The following ARHGAP26 variants were observed in gnomAD, a reference collection of about 807,000 sequenced individuals.
ARHGAP26 encodes the protein Rho GTPase activating protein 26.
A neutral mutation model predicts 104.8 loss-of-function variants in ARHGAP26; 38 were observed. That is an observed-to-expected ratio of 0.36 (90% confidence interval 0.28 to 0.48). The LOEUF (loss-of-function observed/expected upper bound fraction) is 0.48, where lower values mean the gene tolerates loss of function less well. ARHGAP26 is among the 20% of genes least tolerant of loss of function. The probability of loss-of-function intolerance (pLI) is 0.99; values close to 1 mark genes in which losing one functional copy is unlikely to be tolerated. For missense variants in ARHGAP26, 704 were observed against 947.9 expected (o/e 0.74, Z 3.38); for synonymous variants, 341 against 340.0 (o/e 1.00, Z -0.03).
At chr5:142,949,202 AGAGAGAGAGAGAGAGAGAG>A (rs1767796958) in intron 11 of ARHGAP26, among the ~76,000 whole-genome samples, 3 of 21,502 alleles carry the variant, frequency 1.4e-4, no homozygotes, top group East Asian at 3.3e-3. Flanking sequence ...AGAGAGAGAG[AGAGAGAGAGAGAGAGAGAG>A]GAGAGAGAGA....
chr5:142,885,386 C>A lies in ARHGAP26; in HGVS notation c.473C>A (p.Ser158Tyr). The change falls in exon 5 of 23, where the codon TCT (serine) becomes TAT (tyrosine). Residue 158 changes from serine to tyrosine, a missense_variant. Coordinates refer to ENST00000645722, the MANE Select transcript of ARHGAP26 (RefSeq NM_001135608.3). ...AATTTGTCTTCCAAAAAGAAAGAAT[C>A]TCAGCTTCAGGAGGTAAGAGACTTT... ...HLNLSSKKKE[S>Y]QLQEADSQVD... 1 of 1,613,100 alleles carries A rather than the reference C, an allele frequency of 6.2e-7. No homozygotes were observed. The highest frequency in any genetic ancestry group is 1.1e-5 in the South Asian group (1 of 90,926).
chr5:143,044,488 C>A (rs903456858), intron 14 of ARHGAP26, among the ~76,000 whole-genome samples: 3 of 150,072 alleles, frequency 2.0e-5, no homozygotes, highest in Non-Finnish European at 4.4e-5. Context: ...AGTATGGGGC[C>A]ATTCACATGA....
At chr5:143,221,927 A>T (rs764513743) in intron 22 of ARHGAP26, among the ~76,000 whole-genome samples, 4 of 82,106 alleles carry the variant, frequency 4.9e-5, no homozygotes, top group Non-Finnish European at 9.4e-5. Context: ...GATGGATGGA[A>T]GGAAGGAAGG....
intron 6 of ARHGAP26, among the ~76,000 whole-genome samples, chr5:142,898,647 T>A (rs1355761356): frequency 6.6e-6 from 1 of 152,168 alleles, no homozygotes; most frequent in African/African-American, 2.4e-5. Context: ...GCCAAGAAGC[T>A]CCTGACAGCA....
Position 142,770,553 on chromosome 5 carries a change from C to G in ARHGAP26, c.-209C>G, listed in dbSNP as rs1339702371. 1 of 216,608 alleles carries G rather than the reference C, an allele frequency of 4.6e-6. No homozygotes were observed. Among genetic ancestry groups the G allele is most frequent in the Admixed American group, 6.2e-5 (1 of 16,160 alleles). The allele number at this position is 216,608 out of a possible 1,614,324, so 13.4% of individuals were successfully genotyped here. A position where few individuals can be genotyped will look rare whatever the true frequency, so the allele number is the denominator to read the frequency against. ...TCGCGATCCGCTCCGTTGCCCGCGC[C>G]CGGAACAGCAGCACCTCGGCCGGGT... On this transcript the variant is annotated 5_prime_UTR_variant, in exon 1 of 23. Coordinates refer to ENST00000645722, the MANE Select transcript of ARHGAP26 (RefSeq NM_001135608.3).
In ARHGAP26 at chr5:143,177,950, A is replaced by G. The variant is rs963642409; in HGVS notation, c.1989-29248A>G. Among the ~76,000 whole-genome samples the G allele has an allele frequency of 1.2e-4, 16 of 137,186 alleles. 1 individual carries two copies. Among genetic ancestry groups the G allele is most frequent in the African/African-American group, 4.1e-4 (15 of 36,680 alleles). The allele number at this position is 137,186 out of a possible 152,430, so 90.0% of individuals were successfully genotyped here. ...CTAAATGAGGGACACTGAGGCTCAG[A>G]GGGCATAAGTGGCCTGTTCAAGTCT... On this transcript the variant is annotated intron_variant, in intron 20 of 22. Transcript: ENST00000645722.
chr5:142,805,365 G>A (rs946494567), intron 1 of ARHGAP26, among the ~76,000 whole-genome samples: 3 of 152,126 alleles, frequency 2.0e-5, no homozygotes, highest in African/African-American at 7.2e-5. Flanking sequence ...GCCTCCCAAA[G>A]TGCTGGGATT....
intron 1 of ARHGAP26, among the ~76,000 whole-genome samples, chr5:142,805,808 T>C (rs1179235508): frequency 1.3e-5 from 2 of 152,164 alleles, no homozygotes; most frequent in African/African-American, 4.8e-5. Context: ...TTTCTTTGCA[T>C]ATTTGGTAGG....
intron 11 of ARHGAP26, among the ~76,000 whole-genome samples, chr5:142,963,198 A>ATATATATGTGTGTGTGTGTGTGTGTG (rs869247749): frequency 3.1e-5 from 3 of 98,318 alleles, no homozygotes; most frequent in African/African-American, 1.2e-4. Context: ...ATATATATAT[A>ATATATATGTGTGTGTGTGTGTGTGTG]TGTGTGTGTG....
intron 1 of ARHGAP26, among the ~76,000 whole-genome samples, chr5:142,832,928 A>AT (rs749664216): frequency 3.3e-5 from 5 of 152,126 alleles, no homozygotes; most frequent in Non-Finnish European, 5.9e-5. Flanking sequence ...TTACTTAAAA[A>AT]TTTTTTTTGA....
At chr5:142,978,305 C>A (rs953800909) in intron 11 of ARHGAP26, among the ~76,000 whole-genome samples, 9 of 152,134 alleles carry the variant, frequency 5.9e-5, no homozygotes, top group African/African-American at 2.2e-4. Flanking sequence ...GACTCTCTTT[C>A]TCTTGGGTGA....
At chr5:142,894,156 A>AT (rs1174590761) in intron 5 of ARHGAP26, 82 bp from the exon 6 acceptor site, 6,265 of 1,013,454 alleles carry the variant, frequency 6.2e-3, no homozygotes, top group Non-Finnish European at 7.4e-3. Context: ...ATCTCCCGAG[A>AT]TTTTTTTTTT....
At chr5:142,880,316 G>A (rs969368681) in intron 4 of ARHGAP26, among the ~76,000 whole-genome samples, 1 of 152,126 alleles carries the variant, frequency 6.6e-6, no homozygotes, top group Admixed American at 6.5e-5. Context: ...TCAGGAGTTC[G>A]AGACCAGGCT....
At chr5:143,022,566 A>T (rs1427694052) in intron 12 of ARHGAP26, among the ~76,000 whole-genome samples, 1 of 152,230 alleles carries the variant, frequency 6.6e-6, no homozygotes, top group Non-Finnish European at 1.5e-5. Flanking sequence ...AAAACAGGCA[A>T]TGGTGAATTT....
chr5:142,770,867 A>C lies in ARHGAP26; in HGVS notation c.106A>C (p.Ile36Leu). Reference protein sequence around the residue: ...EAELDKTNKFIKELIKDGKSL... With the variant: ...EAELDKTNKFLKELIKDGKSL... ...AGAGCTGGACAAGACCAACAAATTC[A>C]TCAAGGAGCTCATCAAGGACGGGAA... Residue 36 changes from isoleucine (I) to leucine (L), a missense_variant, in exon 1 of 23, where the codon ATC becomes CTC. Ile to Leu is a conservative substitution (Grantham distance 5). Transcript: ENST00000645722. 1 of 1,611,386 alleles carries C rather than the reference A, an allele frequency of 6.2e-7. No homozygotes were observed. The highest frequency in any genetic ancestry group is 8.5e-7 in the Non-Finnish European group (1 of 1,178,646).
At chr5:143,035,063 T>A (rs988757891) in intron 12 of ARHGAP26, among the ~76,000 whole-genome samples, 2 of 152,216 alleles carry the variant, frequency 1.3e-5, no homozygotes, top group African/African-American at 4.8e-5. Flanking sequence ...TTTCTGTTTC[T>A]TTTCTGGTAC....
intron 8 of ARHGAP26, 80 bp from the exon 9 acceptor site, chr5:142,907,624 T>C (rs981228733): frequency 2.4e-6 from 2 of 835,232 alleles, no homozygotes; most frequent in African/African-American, 1.7e-5. Flanking sequence ...TTATGAATTA[T>C]GGGTTGTGGT....
At chr5:143,075,551 T>C (rs1598902309) in intron 17 of ARHGAP26, among the ~76,000 whole-genome samples, 1 of 152,132 alleles carries the variant, frequency 6.6e-6, no homozygotes, top group South Asian at 2.1e-4. Context: ...TTTCCTGAAT[T>C]ATAATGGTGG....
In ARHGAP26 at chr5:143,137,966, G is replaced by A. The variant is rs577662969; in HGVS notation, c.1837+3861G>A. ...AGAAGCTCCTCAGGCTCAGGCCTCT[G>A]CCTTTGCACCTGCACTTCAGGCTCA... On this transcript the variant is annotated intron_variant, in intron 19 of 22. Coordinates refer to ENST00000645722, the MANE Select transcript of ARHGAP26 (RefSeq NM_001135608.3). Among the ~76,000 whole-genome samples, 519 of 152,320 alleles carry A rather than the reference G, an allele frequency of 3.4e-3. 5 individuals are homozygous for A. Among genetic ancestry groups the A allele is most frequent in the African/African-American group, 0.012 (497 of 41,568 alleles).
Sources: gnomAD v4.1 joint callset for allele counts (sites outside exome capture counted in the v4.1 genomes callset) on GRCh38, gnomAD v4.1.1 for gene constraint, MANE v1.5 for transcripts, NCBI Gene and HGNC (gene_info 2026-07-23, HGNC 2026-07-21) for gene names.